GRID2: variants seen among roughly 807,000 people sequenced by gnomAD.
GRID2 encodes the protein glutamate receptor ionotropic, delta-2.
GRID2 carries 33 observed loss-of-function variants against 114.8 expected under a neutral mutation model. The ratio of observed to expected loss-of-function variants is 0.29; its 90% CI spans 0.22 to 0.38. GRID2 has a LOEUF of 0.38. GRID2 is among the 10% of genes least tolerant of loss of function. The probability of loss-of-function intolerance (pLI) is 1.00; values close to 1 mark genes in which losing one functional copy is unlikely to be tolerated. For missense variants in GRID2, 1,184 were observed against 1,257.7 expected (o/e 0.94, Z 0.89); for synonymous variants, 505 against 449.9 (o/e 1.12, Z -1.55).
chr4:93,145,644 C>CTTTTTTTTTTTTTTTTTTTTTTT (rs10605313), intron 4 of GRID2, among the ~76,000 whole-genome samples: 2 of 45,702 alleles, frequency 4.4e-5, no homozygotes, highest in Non-Finnish European at 7.1e-5. Flanking sequence ...TTCTTTTTTC[C>CTTTTTTTTTTTTTTTTTTTTTTT]TTTTTTTTTT....
chr4:92,565,870 CTT>C (rs1727311667), intron 1 of GRID2, among the ~76,000 whole-genome samples: 2 of 152,020 alleles, frequency 1.3e-5, no homozygotes, highest in African/African-American at 4.8e-5. Flanking sequence ...TTACCACAAA[CTT>C]AGCAATTTAA....
At chr4:93,789,530 A>G (rs891960746) in intron 1 of GRID2, among the ~76,000 whole-genome samples, 3 of 152,210 alleles carry the variant, frequency 2.0e-5, no homozygotes, top group African/African-American at 4.8e-5. Context: ...TCCAGCATAC[A>G]GCACAAAAAA....
intron 1 of GRID2, among the ~76,000 whole-genome samples, chr4:92,442,763 T>A (rs1733181287): frequency 6.6e-6 from 1 of 152,126 alleles, no homozygotes; most frequent in Non-Finnish European, 1.5e-5. Flanking sequence ...TGGGCTGGAT[T>A]TTTATATTTG....
chr4:93,210,818 A>G (rs2149474663), intron 5 of GRID2, among the ~76,000 whole-genome samples: 1 of 152,048 alleles, frequency 6.6e-6, no homozygotes, highest in Admixed American at 6.6e-5. Flanking sequence ...TATTTATGTC[A>G]CTAGCTTTTT....
At chr4:92,708,730 C>G (rs1319453375) in intron 2 of GRID2, among the ~76,000 whole-genome samples, 2 of 152,068 alleles carry the variant, frequency 1.3e-5, no homozygotes, top group African/African-American at 4.8e-5. Context: ...TTAAGAGGAC[C>G]AGCCAGACTA....
chr4:93,255,891 C>T (rs186353436), intron 8 of GRID2, among the ~76,000 whole-genome samples: 8 of 152,158 alleles, frequency 5.3e-5, no homozygotes, highest in Non-Finnish European at 5.9e-5. Context: ...CTAAGACACA[C>T]TGTAAGTACA....
At chr4:93,377,148 T>G (rs1410453428) in intron 8 of GRID2, among the ~76,000 whole-genome samples, 1 of 152,020 alleles carries the variant, frequency 6.6e-6, no homozygotes, top group Non-Finnish European at 1.5e-5. Flanking sequence ...CAAGAAAGAG[T>G]AGGCGCATAA....
At chr4:92,537,294 T>A (rs1579538919) in intron 1 of GRID2, among the ~76,000 whole-genome samples, 1 of 152,178 alleles carries the variant, frequency 6.6e-6, no homozygotes, top group Non-Finnish European at 1.5e-5. Context: ...ATTAATTAGC[T>A]AATATTTTCC....
chr4:93,256,405 G>A (rs1011007509), intron 8 of GRID2, among the ~76,000 whole-genome samples: 12 of 137,238 alleles, frequency 8.7e-5, no homozygotes, highest in Admixed American at 5.7e-4. Flanking sequence ...GTTTTTTAGC[G>A]AAAGTGTGAT....
rs116216299 is a variant in GRID2, at chr4:92,914,084, A to G, written c.245-170911A>G. Among the ~76,000 whole-genome samples the G allele has an allele frequency of 2.8e-3, 427 of 152,268 alleles. 4 individuals are homozygous for G. The highest frequency in any genetic ancestry group is 1.0e-2 in the African/African-American group (415 of 41,586). ...AGTTTTATTAAAACAACAATGAATTAACATTTGCAAATCGATCTTTGGTTT... is the reference window on the plus strand; with the variant it reads ...AGTTTTATTAAAACAACAATGAATTGACATTTGCAAATCGATCTTTGGTTT... On this transcript the variant is annotated intron_variant, in intron 2 of 15. Coordinates refer to ENST00000282020, the MANE Select transcript of GRID2 (RefSeq NM_001510.4).
At chr4:92,739,334 G>A (rs907240633) in intron 2 of GRID2, among the ~76,000 whole-genome samples, 1 of 152,140 alleles carries the variant, frequency 6.6e-6, no homozygotes, top group South Asian at 2.1e-4. Context: ...AGTTTTCCAT[G>A]TTTAGCCTTT....
intron 6 of GRID2, among the ~76,000 whole-genome samples, chr4:93,218,981 C>T (rs922913237): frequency 6.6e-6 from 1 of 152,108 alleles, no homozygotes; most frequent in African/African-American, 2.4e-5. Context: ...CATTTGATGA[C>T]CTCCCACCAG....
chr4:93,649,274 G>A (rs963036732), intron 14 of GRID2, among the ~76,000 whole-genome samples: 3 of 152,050 alleles, frequency 2.0e-5, no homozygotes, highest in Non-Finnish European at 4.4e-5. Context: ...ACAGTGCTTT[G>A]CCTATAGGAA....
intron 11 of GRID2, among the ~76,000 whole-genome samples, chr4:93,485,747 G>T (rs928970655): frequency 6.6e-6 from 1 of 151,630 alleles, no homozygotes; most frequent in Non-Finnish European, 1.5e-5. Flanking sequence ...CTAACCAACT[G>T]TCTTAATTAC....
chr4:93,519,244 A>T (rs1270817285), intron 13 of GRID2, among the ~76,000 whole-genome samples: 3 of 152,108 alleles, frequency 2.0e-5, no homozygotes, highest in African/African-American at 7.2e-5. Flanking sequence ...ATTTTGGCAA[A>T]TCATATGACT....
chr4:93,226,691 GAAACTCTTTGTGGCAAGTCC>G (rs1477438705), intron 7 of GRID2, among the ~76,000 whole-genome samples: 1 of 152,038 alleles, frequency 6.6e-6, no homozygotes, highest in African/African-American at 2.4e-5. Flanking sequence ...TGCCCTAGTG[GAAACTCTTTGTGGCAAGTCC>G]AAACCCACAT....
chr4:93,119,696 G>T (rs959018254), intron 4 of GRID2, among the ~76,000 whole-genome samples: 1 of 152,048 alleles, frequency 6.6e-6, no homozygotes, highest in Non-Finnish European at 1.5e-5. Context: ...TTGAAAAAAA[G>T]AACTTTGAGG....
intron 3 of GRID2, among the ~76,000 whole-genome samples, chr4:93,088,501 G>A (rs532838145): frequency 9.2e-4 from 140 of 152,218 alleles, no homozygotes; most frequent in Non-Finnish European, 1.5e-3. Context: ...TGTAAACTCA[G>A]TTCTACTGGT....
intron 2 of GRID2, among the ~76,000 whole-genome samples, chr4:93,006,018 AAT>A (rs1445095002): frequency 2.6e-5 from 4 of 152,034 alleles, no homozygotes; most frequent in African/African-American, 9.7e-5. Context: ...ATTTCTCCTA[AAT>A]CAAATCCTAG....
Sources: gnomAD v4.1 joint callset for allele counts (sites outside exome capture counted in the v4.1 genomes callset) on GRCh38, gnomAD v4.1.1 for gene constraint, MANE v1.5 for transcripts, NCBI Gene and HGNC (gene_info 2026-07-23, HGNC 2026-07-21) for gene names.